Variants in KIF26B observed in about 807,000 individuals in gnomAD.
KIF26B encodes kinesin-like protein KIF26B.
Under a neutral mutation model 151.2 loss-of-function variants are expected in KIF26B, and 63 were observed. The ratio of observed to expected loss-of-function variants is 0.42; its 90% CI spans 0.34 to 0.51. KIF26B has a LOEUF of 0.51. KIF26B is among the 20% of genes least tolerant of loss of function. The pLI is 0.07. For synonymous variants in KIF26B, 1,357 were observed against 1,262.1 expected (o/e 1.08, Z -1.59); for missense variants, 2,813 against 2,913.6 (o/e 0.97, Z 0.79).
chr1:245,399,644 A>G (rs117547667), intron 3 of KIF26B, among the ~76,000 whole-genome samples: 1 of 152,202 alleles, frequency 6.6e-6, no homozygotes, highest in Non-Finnish European at 1.5e-5. Context: ...CAGCACTTTC[A>G]TGCATCTTAT....
intron 2 of KIF26B, among the ~76,000 whole-genome samples, chr1:245,193,910 G>A (rs1177550812): frequency 1.3e-5 from 2 of 152,224 alleles, no homozygotes; most frequent in Non-Finnish European, 2.9e-5. Flanking sequence ...ACAGGGCTGC[G>A]TCCATTGATC....
intron 4 of KIF26B, among the ~76,000 whole-genome samples, chr1:245,520,798 C>A (rs1487414089): frequency 1.3e-5 from 2 of 152,182 alleles, no homozygotes; most frequent in African/African-American, 4.8e-5. Flanking sequence ...ACATGCCTTT[C>A]CCTATTAATG....
At chr1:245,196,528 A>G (rs1669199159) in intron 2 of KIF26B, among the ~76,000 whole-genome samples, 1 of 152,036 alleles carries the variant, frequency 6.6e-6, no homozygotes, top group Admixed American at 6.6e-5. Flanking sequence ...TATCCCCTTC[A>G]TTGACTGTGC....
At position 245,668,370 on chromosome 1, in the gene KIF26B, T is replaced by C. The variant is rs534751885; in HGVS notation, c.2259-15863T>C. ...GATGCAAGAATTGTGCAACAATAGC[T>C]ACCTTCTTTTCAAACAAAATAAACA... is the stretch of plus-strand genomic sequence containing the variant. On this transcript the variant is annotated intron_variant, in intron 10 of 14. Coordinates refer to ENST00000407071, the MANE Select transcript of KIF26B (RefSeq NM_018012.4). 5.4e-4 allele frequency among the ~76,000 whole-genome samples: 82 copies of C among 152,342 alleles called. 2 individuals are homozygous for C. In the South Asian group the frequency reaches 0.017, roughly 31 times the overall value.
At position 245,203,255 on chromosome 1, in the gene KIF26B, A is replaced by AAAAAAAAAAAAAAG. The variant is rs61541280; in HGVS notation, c.465+46576_465+46577insAAAAAAAAAGAAAA. ...GAGCGCGACTCTGTCTCAAAAAAAA[A>AAAAAAAAAAAAAAG]AAAAGAAAATGAGTTAAAGTTACAA... is the stretch of plus-strand genomic sequence containing the variant. On this transcript the variant is annotated intron_variant, in intron 2 of 14. Transcript: ENST00000407071. Among the ~76,000 whole-genome samples the AAAAAAAAAAAAAAG allele has an allele frequency of 9.3e-5, 12 of 129,714 alleles. 1 individual carries two copies. The highest frequency in any genetic ancestry group is 2.1e-4 in the African/African-American group (7 of 33,244). The allele number at this position is 129,714 out of a possible 152,430, so 85.1% of individuals were successfully genotyped here.
intron 2 of KIF26B, among the ~76,000 whole-genome samples, chr1:245,256,426 G>A (rs903354346): frequency 1.5e-4 from 23 of 152,288 alleles, no homozygotes; most frequent in African/African-American, 5.1e-4. Flanking sequence ...CAGCCCCATC[G>A]TCCGGATGAG....
intron 4 of KIF26B, among the ~76,000 whole-genome samples, chr1:245,511,476 C>T (rs1349859627): frequency 6.6e-6 from 1 of 152,156 alleles, no homozygotes; most frequent in Non-Finnish European, 1.5e-5. Context: ...GACATTGGCT[C>T]ATATTAGAAT....
At chr1:245,480,944 A>G (rs1203316046) in intron 4 of KIF26B, among the ~76,000 whole-genome samples, 1 of 151,650 alleles carries the variant, frequency 6.6e-6, no homozygotes, top group Non-Finnish European at 1.5e-5. Flanking sequence ...CACCCAGATT[A>G]GTTGGTTGAT....
intron 9 of KIF26B, among the ~76,000 whole-genome samples, chr1:245,644,106 T>G (rs903200413): frequency 4.6e-5 from 7 of 152,198 alleles, no homozygotes; most frequent in African/African-American, 1.7e-4. Context: ...GTCTTCTCCT[T>G]TAGGGACTCC....
At chr1:245,617,131 T>G (rs1481148940) in intron 9 of KIF26B, among the ~76,000 whole-genome samples, 1 of 152,230 alleles carries the variant, frequency 6.6e-6, no homozygotes, top group African/African-American at 2.4e-5. Flanking sequence ...AGTCTCGCAC[T>G]GTCACCCAGG....
chr1:245,226,425 C>T (rs983801746), intron 2 of KIF26B, among the ~76,000 whole-genome samples: 3 of 151,978 alleles, frequency 2.0e-5, no homozygotes, highest in Non-Finnish European at 2.9e-5. Flanking sequence ...GGCATCTCAG[C>T]CCTCAGTCTG....
intron 4 of KIF26B, among the ~76,000 whole-genome samples, chr1:245,507,856 C>T (rs1040159923): frequency 2.0e-5 from 3 of 152,134 alleles, no homozygotes; most frequent in African/African-American, 4.8e-5. Flanking sequence ...TTGGTCCTTG[C>T]GATGGCTTTC....
intron 4 of KIF26B, among the ~76,000 whole-genome samples, chr1:245,438,211 G>A (rs12239821): frequency 0.11 from 16,626 of 152,088 alleles, 926 homozygotes; most frequent in South Asian, 0.17. Context: ...TCCCAAAAGC[G>A]AGGAAATTAT....
chr1:245,511,261 AGGAG>A (rs1660831037), intron 4 of KIF26B: 1 of 636,998 alleles, frequency 1.6e-6, no homozygotes, highest in Non-Finnish European at 2.8e-6. Flanking sequence ...CAAAGAAGTT[AGGAG>A]GGTCCAGGTT....
chr1:245,398,829 T>C (rs911665818), intron 3 of KIF26B, among the ~76,000 whole-genome samples: 1 of 151,992 alleles, frequency 6.6e-6, no homozygotes, highest in African/African-American at 2.4e-5. Flanking sequence ...ACAGAAAAGT[T>C]GCAAGAATAA....
rs1330924208 is a variant in KIF26B at position 245,572,248 on chromosome 1, AC to A, written c.1351-30326del. On this transcript the variant is annotated intron_variant, in intron 5 of 14. Coordinates refer to ENST00000407071, the MANE Select transcript of KIF26B (RefSeq NM_018012.4). This position sits in a 1 kb window ranked among gnomAD's most constrained non-coding sequence, Gnocchi z 4.2. The stretch of plus-strand genomic sequence containing the variant: ...CGTTTGGCCTGGAATGTTTCAGAGC[AC>A]CCTTTCATGCCTGGTCAGGGTTGTG... Among the ~76,000 whole-genome samples, 1 of 152,142 alleles carries A rather than the reference AC, an allele frequency of 6.6e-6. No individual in the cohort carries two copies. Among genetic ancestry groups the A allele is most frequent in the Non-Finnish European group, 1.5e-5 (1 of 68,032 alleles).
At chr1:245,588,331 C>T (rs1197977522) in intron 5 of KIF26B, among the ~76,000 whole-genome samples, 4 of 152,174 alleles carry the variant, frequency 2.6e-5, no homozygotes, top group African/African-American at 9.7e-5. Context: ...ACTTACCATT[C>T]TGCTTTGAAC....
intron 4 of KIF26B, among the ~76,000 whole-genome samples, chr1:245,513,964 A>G (rs1002820161): frequency 7.9e-5 from 12 of 152,186 alleles, no homozygotes; most frequent in Non-Finnish European, 1.6e-4. Context: ...GGCACGCTGA[A>G]AGAATGCACC....
At chr1:245,404,419 G>A (rs141210386) in intron 3 of KIF26B, among the ~76,000 whole-genome samples, 1 of 152,264 alleles carries the variant, frequency 6.6e-6, no homozygotes, top group Admixed American at 6.5e-5. Flanking sequence ...CAGGGCTGGG[G>A]ATCCCTGAGG....
Sources: gnomAD v4.1 joint callset for allele counts (sites outside exome capture counted in the v4.1 genomes callset) on GRCh38, gnomAD v4.1.1 for gene constraint, Gnocchi (gnomAD v3.1) non-coding constraint, MANE v1.5 for transcripts, NCBI Gene and HGNC (gene_info 2026-07-23, HGNC 2026-07-21) for gene names.